Variants in SLC35F3 observed in about 807,000 individuals in gnomAD.
SLC35F3 encodes solute carrier family 35 member F3.
SLC35F3 carries 25 observed loss-of-function variants against 49.9 expected under a neutral mutation model. The observed-to-expected ratio is 0.50, with a 90% CI of 0.37 to 0.70. The LOEUF is 0.70. Among genes scored for constraint, SLC35F3 ranks in the 30% least tolerant of loss-of-function variants. The pLI, the probability that SLC35F3 is intolerant of heterozygous loss-of-function variation, is 0.00. For synonymous variants in SLC35F3, 275 were observed against 265.4 expected (o/e 1.04, Z -0.35); for missense variants, 525 against 639.8 (o/e 0.82, Z 1.94).
chr1:234,189,062 C>A (rs1190426172), intron 2 of SLC35F3, among the ~76,000 whole-genome samples: 8 of 152,052 alleles, frequency 5.3e-5, no homozygotes. Context: ...GAACAGCAGC[C>A]TTGAGCCCCA....
At chr1:234,285,310 G>T in intron 3 of SLC35F3, 1 of 477,684 alleles carries the variant, frequency 2.1e-6, no homozygotes, top group South Asian at 1.5e-5. Context: ...GTTGAAATCT[G>T]AAATTTCTTG....
intron 3 of SLC35F3, among the ~76,000 whole-genome samples, chr1:234,243,422 C>A (rs556561285): frequency 6.6e-6 from 1 of 152,070 alleles, no homozygotes; most frequent in Non-Finnish European, 1.5e-5. Flanking sequence ...ATTAGATAAC[C>A]GACTGTTATT....
At chr1:234,250,857 T>C (rs1010287435) in intron 3 of SLC35F3, among the ~76,000 whole-genome samples, 1 of 152,106 alleles carries the variant, frequency 6.6e-6, no homozygotes, top group Non-Finnish European at 1.5e-5. Context: ...CCACAGGAGC[T>C]AATAGAGTGA....
At chr1:234,007,880 A>T (rs1040265536) in intron 2 of SLC35F3, among the ~76,000 whole-genome samples, 4 of 152,208 alleles carry the variant, frequency 2.6e-5, no homozygotes, top group African/African-American at 9.6e-5. Flanking sequence ...GCATTGTGCC[A>T]TAGTCAGCTT....
chr1:234,022,138 G>A (rs1663905197), intron 2 of SLC35F3, among the ~76,000 whole-genome samples: 1 of 152,192 alleles, frequency 6.6e-6, no homozygotes, highest in Admixed American at 6.5e-5. Flanking sequence ...CTTCCTGGTT[G>A]AGATGATCAC....
At chr1:233,969,827 G>A (rs1662965081) in intron 2 of SLC35F3, among the ~76,000 whole-genome samples, 1 of 152,276 alleles carries the variant, frequency 6.6e-6, no homozygotes, top group East Asian at 1.9e-4. Flanking sequence ...GGCCCCTCTT[G>A]TCTGTCTGCT....
intron 2 of SLC35F3, among the ~76,000 whole-genome samples, chr1:234,068,065 AT>A (rs1664648623): frequency 6.6e-6 from 1 of 152,128 alleles, no homozygotes. Flanking sequence ...TGAAAACCTC[AT>A]GGCTCTCCTA....
Position 234,223,291 on chromosome 1 carries a change from G to T in SLC35F3, c.284-8126G>T, listed in dbSNP as rs1488900009. Among the ~76,000 whole-genome samples the T allele has an allele frequency of 2.0e-5, 3 of 152,102 alleles. No homozygotes were observed. In the East Asian group the frequency reaches 5.8e-4, roughly 29 times the overall value. On this transcript the variant is annotated intron_variant, in intron 2 of 7. Transcript: ENST00000366618. ...ATTACTGAGATGGTGATGATGGGTG[G>T]GAAAAGTGAGCTGGATCACGACCTG...
At chr1:233,958,474 A>G (rs557042055) in intron 2 of SLC35F3, among the ~76,000 whole-genome samples, 4 of 152,370 alleles carry the variant, frequency 2.6e-5, no homozygotes, top group Admixed American at 2.0e-4. Context: ...TATGAGGTCT[A>G]TTCCAGCTGA....
chr1:233,973,893 T>TAC (rs1663033555), intron 2 of SLC35F3, among the ~76,000 whole-genome samples: 1 of 152,236 alleles, frequency 6.6e-6, no homozygotes, highest in Non-Finnish European at 1.5e-5. Context: ...GTCCTTGTAT[T>TAC]ACTTAGCTAG....
At chr1:234,129,594 A>T (rs890818474) in intron 2 of SLC35F3, among the ~76,000 whole-genome samples, 1 of 152,238 alleles carries the variant, frequency 6.6e-6, no homozygotes, top group African/African-American at 2.4e-5. Context: ...CAGATTCTGA[A>T]TTGAATGTGG....
At chr1:234,300,408 T>A (rs1222133414) in intron 3 of SLC35F3, among the ~76,000 whole-genome samples, 2 of 152,220 alleles carry the variant, frequency 1.3e-5, no homozygotes, top group Non-Finnish European at 2.9e-5. Flanking sequence ...AATGGCCCCA[T>A]GCTTCATTGT....
rs1005164667 is a variant in SLC35F3 at position 234,219,824 on chromosome 1, G to A, written c.284-11593G>A. ...TTTATTGGAACTGCTTTTCCTGGAA[G>A]CACGGTCGGGATGGCATGGTAGAGG... is the stretch of plus-strand genomic sequence containing the variant. On this transcript the variant is annotated intron_variant, in intron 2 of 7. Coordinates refer to ENST00000366618, the MANE Select transcript of SLC35F3 (RefSeq NM_173508.4). Among the ~76,000 whole-genome samples, 8 of 152,192 alleles carry A rather than the reference G, an allele frequency of 5.3e-5. No homozygotes were observed. The South Asian group carries it at 6.2e-4, about 12-fold the overall frequency.
At chr1:233,999,217 G>A (rs75413771) in intron 2 of SLC35F3, among the ~76,000 whole-genome samples, 1,749 of 152,096 alleles carry the variant, frequency 0.011, 22 homozygotes, top group Non-Finnish European at 0.018. Context: ...TTTCCACCGC[G>A]TCCCAATTAC....
At chr1:233,934,996 A>G (rs1040512903) in intron 2 of SLC35F3, among the ~76,000 whole-genome samples, 19 of 151,528 alleles carry the variant, frequency 1.3e-4, no homozygotes, top group African/African-American at 4.4e-4. Context: ...TCCCTTTGCA[A>G]GAGCTGACTT....
chr1:234,289,352 C>T (rs1668471759), intron 3 of SLC35F3, among the ~76,000 whole-genome samples: 1 of 152,154 alleles, frequency 6.6e-6, no homozygotes, highest in Non-Finnish European at 1.5e-5. Context: ...GCGACAGGTG[C>T]CAGAAATGAA....
chr1:234,129,113 G>A (rs1665695121), intron 2 of SLC35F3, among the ~76,000 whole-genome samples: 1 of 151,812 alleles, frequency 6.6e-6, no homozygotes, highest in Non-Finnish European at 1.5e-5. Context: ...GAGAAAGAAG[G>A]CAAGCTAGAA....
At chr1:234,193,061 T>C (rs1262836638) in intron 2 of SLC35F3, among the ~76,000 whole-genome samples, 2 of 152,130 alleles carry the variant, frequency 1.3e-5, no homozygotes, top group East Asian at 3.9e-4. Flanking sequence ...CCCATCAAAA[T>C]GCTACCATCA....
At chr1:234,006,253 C>G (rs1663629370) in intron 2 of SLC35F3, among the ~76,000 whole-genome samples, 1 of 152,114 alleles carries the variant, frequency 6.6e-6, no homozygotes, top group Non-Finnish European at 1.5e-5. Context: ...TGCAGTGAAC[C>G]AGGCATTTTC....
Sources: allele counts gnomAD v4.1 joint callset (sites outside exome capture counted in the v4.1 genomes callset), GRCh38; gene constraint gnomAD v4.1.1; transcripts MANE v1.5; gene names NCBI Gene and HGNC (gene_info 2026-07-23, HGNC 2026-07-21).